Variants in CNTNAP2 observed in about 807,000 individuals in gnomAD.
CNTNAP2 encodes contactin-associated protein-like 2.
A neutral mutation model predicts 155.2 loss-of-function variants in CNTNAP2; 98 were observed. That is an observed-to-expected ratio of 0.63 (90% CI 0.54 to 0.75). The LOEUF (loss-of-function observed/expected upper bound fraction) is 0.75. Ranked by LOEUF, CNTNAP2 falls within the 30% of genes least tolerant of loss-of-function variation. The pLI is 0.00. For synonymous variants in CNTNAP2, 651 were observed against 631.2 expected, an observed-to-expected ratio of 1.03 and a Z score of -0.47; for missense variants, 1,727 against 1,688.1, an observed-to-expected ratio of 1.02 and a Z score of -0.40.
intron 3 of CNTNAP2, among the ~76,000 whole-genome samples, chr7:146,840,554 C>G (rs1346787635): frequency 6.6e-6 from 1 of 151,044 alleles, no homozygotes; most frequent in Admixed American, 6.6e-5. Context: ...CAGGCATGAC[C>G]AAAATCAAGT....
intron 1 of CNTNAP2, among the ~76,000 whole-genome samples, chr7:146,129,809 G>T (rs1425643604): frequency 6.6e-6 from 1 of 152,006 alleles, no homozygotes; most frequent in Non-Finnish European, 1.5e-5. Flanking sequence ...TTACCTTAAA[G>T]TTCTCTTTTA....
At chr7:146,713,200 G>C (rs1801129257) in intron 1 of CNTNAP2, among the ~76,000 whole-genome samples, 1 of 152,126 alleles carries the variant, frequency 6.6e-6, no homozygotes, top group South Asian at 2.1e-4. Flanking sequence ...TTAACAGAAT[G>C]AGAAAAGGAA....
chr7:147,386,035 G>C (rs1796620105), intron 9 of CNTNAP2, among the ~76,000 whole-genome samples: 3 of 152,172 alleles, frequency 2.0e-5, no homozygotes, highest in Non-Finnish European at 4.4e-5. Flanking sequence ...AAGCTGCCAA[G>C]ACTTGGGGCT....
At chr7:147,317,827 T>C (rs916349534) in intron 9 of CNTNAP2, among the ~76,000 whole-genome samples, 15 of 151,764 alleles carry the variant, frequency 9.9e-5, no homozygotes, top group African/African-American at 3.4e-4. Context: ...TGTGTGTGTG[T>C]GCGTGTATAT....
intron 1 of CNTNAP2, among the ~76,000 whole-genome samples, chr7:146,659,516 G>T (rs534158700): frequency 9.9e-5 from 15 of 152,010 alleles, no homozygotes; most frequent in Non-Finnish European, 1.8e-4. Flanking sequence ...ATTTTTTTCA[G>T]GGATTCTCTA....
intron 1 of CNTNAP2, among the ~76,000 whole-genome samples, chr7:146,730,684 G>C (rs1321392357): frequency 6.6e-6 from 1 of 152,076 alleles, no homozygotes; most frequent in Non-Finnish European, 1.5e-5. Flanking sequence ...TTTGTGACCA[G>C]TTTCTTGAAT....
intron 8 of CNTNAP2, among the ~76,000 whole-genome samples, chr7:147,230,571 G>A (rs1192435307): frequency 3.3e-5 from 5 of 152,096 alleles, no homozygotes; most frequent in Non-Finnish European, 7.4e-5. Context: ...TTGACATAAC[G>A]ATTATACATA....
intron 1 of CNTNAP2, among the ~76,000 whole-genome samples, chr7:146,601,585 CAG>C (rs1466474478): frequency 1.3e-5 from 2 of 152,010 alleles, no homozygotes; most frequent in Non-Finnish European, 2.9e-5. Context: ...AATAAGCCAA[CAG>C]TGTGTTTGAA....
chr7:147,309,960 A>AG lies in CNTNAP2; in HGVS notation c.1498+9672dup, dbSNP rs1563155191. ...TCAATCTAATTCCCAAAGAACTTTC[A>AG]GGCTTTTTTTATTTGTTTACCAATT... On this transcript the variant is annotated intron_variant, in intron 9 of 23. Coordinates refer to ENST00000361727, the MANE Select transcript of CNTNAP2 (RefSeq NM_014141.6). Among the ~76,000 whole-genome samples the AG allele has an allele frequency of 2.6e-5, 4 of 152,106 alleles. No individual in the cohort carries two copies. The South Asian group carries it at 6.2e-4, about 24-fold the overall frequency.
intron 22 of CNTNAP2, among the ~76,000 whole-genome samples, chr7:148,408,507 T>C (rs1799755559): frequency 6.6e-6 from 1 of 152,228 alleles, no homozygotes; most frequent in Non-Finnish European, 1.5e-5. Flanking sequence ...TAAACCTGTT[T>C]GCCTGGTGTG....
intron 2 of CNTNAP2, among the ~76,000 whole-genome samples, chr7:146,820,096 A>G (rs1448218672): frequency 5.3e-5 from 8 of 152,188 alleles, no homozygotes; most frequent in Non-Finnish European, 1.2e-4. Flanking sequence ...TCATTGAGGT[A>G]TGTAGAGCAT....
chr7:146,420,341 A>C (rs1478302291), intron 1 of CNTNAP2, among the ~76,000 whole-genome samples: 2 of 152,054 alleles, frequency 1.3e-5, no homozygotes, highest in Non-Finnish European at 2.9e-5. Flanking sequence ...GGTTTCTGTT[A>C]ATGAACAAAG....
chr7:146,937,176 A>G (rs1045442971), intron 3 of CNTNAP2, among the ~76,000 whole-genome samples: 2 of 151,930 alleles, frequency 1.3e-5, no homozygotes, highest in African/African-American at 2.4e-5. Context: ...TCACGAGGTC[A>G]GGAGATTAAG....
At chr7:146,557,023 T>C (rs553621653) in intron 1 of CNTNAP2, among the ~76,000 whole-genome samples, 1 of 152,216 alleles carries the variant, frequency 6.6e-6, no homozygotes, top group Admixed American at 6.5e-5. Flanking sequence ...GGAGTAGGCA[T>C]ATAAGCATCA....
intron 14 of CNTNAP2, among the ~76,000 whole-genome samples, chr7:147,949,508 A>G (rs1250928682): frequency 6.6e-6 from 1 of 150,978 alleles, no homozygotes; most frequent in Non-Finnish European, 1.5e-5. Context: ...CTCCAAAGCT[A>G]TAATCCTGAC....
At chr7:146,662,296 C>G (rs1467056264) in intron 1 of CNTNAP2, among the ~76,000 whole-genome samples, 1 of 152,258 alleles carries the variant, frequency 6.6e-6, no homozygotes, top group East Asian at 1.9e-4. Flanking sequence ...CGCCACCACG[C>G]CTGGCTAGTT....
intron 9 of CNTNAP2, among the ~76,000 whole-genome samples, chr7:147,368,293 T>G (rs1371544900): frequency 6.6e-6 from 1 of 151,928 alleles, no homozygotes; most frequent in Non-Finnish European, 1.5e-5. Flanking sequence ...GTCAACTCTC[T>G]AAGCACAGAA....
intron 12 of CNTNAP2, among the ~76,000 whole-genome samples, chr7:147,621,111 C>A (rs1005805077): frequency 2.0e-5 from 3 of 151,944 alleles, no homozygotes; most frequent in African/African-American, 7.3e-5. Context: ...AAAACTTTTA[C>A]CCTAAAATAG....
chr7:147,343,969 G>A (rs1584886931), intron 9 of CNTNAP2, among the ~76,000 whole-genome samples: 2 of 152,180 alleles, frequency 1.3e-5, no homozygotes, highest in Non-Finnish European at 1.5e-5. Flanking sequence ...TACCTGCCAG[G>A]CATCCTATCA....
Sources: gnomAD v4.1 joint callset for allele counts (sites outside exome capture counted in the v4.1 genomes callset) on GRCh38, gnomAD v4.1.1 for gene constraint, MANE v1.5 for transcripts, NCBI Gene and HGNC (gene_info 2026-07-23, HGNC 2026-07-21) for gene names.